The following SLC13A4 variants were observed in gnomAD, a reference collection of about 807,000 sequenced individuals.
SLC13A4 encodes Na(+)/sulfate cotransporter SUT-1.
In SLC13A4, 28 loss-of-function variants were observed where a neutral mutation model predicts 72.7. That is an observed-to-expected ratio of 0.39 (90% CI 0.29 to 0.53). The LOEUF is 0.53. Among genes scored for constraint, SLC13A4 ranks in the 20% least tolerant of loss-of-function variants. The pLI is 0.78. For missense variants in SLC13A4, 653 were observed against 788.0 expected, an observed-to-expected ratio of 0.83 and a Z score of 2.05; for synonymous variants, 312 against 325.5, an observed-to-expected ratio of 0.96 and a Z score of 0.45.
intron 2 of SLC13A4, among the ~76,000 whole-genome samples, chr7:135,717,119 T>TGAAATAA (rs1346145886): frequency 2.6e-5 from 4 of 152,322 alleles, no homozygotes; most frequent in East Asian, 3.9e-4. Flanking sequence ...AATAAGCCTT[T>TGAAATAA]TATATTTTCA....
At chr7:135,698,958 A>G (rs1795968295) in intron 8 of SLC13A4, among the ~76,000 whole-genome samples, 1 of 152,006 alleles carries the variant, frequency 6.6e-6, no homozygotes, top group Admixed American at 6.6e-5. Context: ...TTTTTTAAAT[A>G]GAGACACTGT....
chr7:135,703,142 G>A (rs1485284142), intron 5 of SLC13A4: 10 of 523,530 alleles, frequency 1.9e-5, no homozygotes, highest in East Asian at 6.6e-5. Flanking sequence ...CCTAACAGCA[G>A]ATGTGGAGTG....
In SLC13A4 at chr7:135,681,691, C is replaced by G; in HGVS notation, c.1756G>C (p.Gly586Arg). ...HCQIKDMVKA[G>R]LGVNVIGLVI... ...AGTCCAATAACGTTGACTCCCAGGC[C>G]AGCTTTCACCTGCAGGACACAAACC... Residue 586 changes from glycine (G) to arginine (R), a missense_variant, in exon 16 of 16, where the codon GGC becomes CGC. By Grantham distance (125) the Gly-to-Arg change is moderately radical (BLOSUM62 -2). Transcript: ENST00000682651. 6.2e-7 allele frequency: 1 copy of G among 1,613,178 alleles called. No homozygotes were observed. Among genetic ancestry groups the G allele is most frequent in the Non-Finnish European group, 8.5e-7 (1 of 1,179,504 alleles).
intron 13 of SLC13A4, among the ~76,000 whole-genome samples, chr7:135,690,822 C>G (rs1795767663): frequency 6.6e-6 from 1 of 152,112 alleles, no homozygotes; most frequent in Non-Finnish European, 1.5e-5. Context: ...CCTCCCATGC[C>G]CATAATGACT....
intron 7 of SLC13A4, among the ~76,000 whole-genome samples, chr7:135,700,865 G>A (rs1287881554): frequency 6.6e-6 from 1 of 152,138 alleles, no homozygotes; most frequent in Non-Finnish European, 1.5e-5. Context: ...TCCCAGGCTG[G>A]TCTTGAATTC....
At chr7:135,714,791 G>A (rs947323829) in intron 2 of SLC13A4, among the ~76,000 whole-genome samples, 1 of 152,246 alleles carries the variant, frequency 6.6e-6, no homozygotes, top group African/African-American at 2.4e-5. Context: ...GAAGCGGATT[G>A]ATGACAGCCG....
At chr7:135,695,871 G>T (rs1795892745) in intron 8 of SLC13A4, among the ~76,000 whole-genome samples, 2 of 152,204 alleles carry the variant, frequency 1.3e-5, no homozygotes, top group Non-Finnish European at 2.9e-5. Flanking sequence ...CCAAAGGAAT[G>T]TAAGTTTTGA....
At chr7:135,691,401 A>G (rs1795783467) in intron 12 of SLC13A4, 76 bp from the exon 13 acceptor site, 1 of 1,177,038 alleles carries the variant, frequency 8.5e-7, no homozygotes, top group Admixed American at 2.3e-5. Flanking sequence ...TAATTGGTGA[A>G]GTGGATGATT....
chr7:135,696,633 A>G (rs1159070235), intron 8 of SLC13A4, among the ~76,000 whole-genome samples: 6 of 152,140 alleles, frequency 3.9e-5, no homozygotes, highest in Non-Finnish European at 8.8e-5. Context: ...GATTACGGGC[A>G]TGAGCCACAG....
At chr7:135,693,124 AAT>A (rs1437985702) in intron 10 of SLC13A4, 4 of 151,338 alleles carry the variant, frequency 2.6e-5, no homozygotes, top group African/African-American at 7.3e-5. Flanking sequence ...AAAAAAAAAA[AAT>A]AGTTGGTCAT....
At chr7:135,701,103 G>A (rs1330289361) in intron 7 of SLC13A4, among the ~76,000 whole-genome samples, 1 of 152,116 alleles carries the variant, frequency 6.6e-6, no homozygotes, top group African/African-American at 2.4e-5. Flanking sequence ...CTACCTCATT[G>A]AGCCAAGACC....
intron 9 of SLC13A4, 59 bp downstream of exon 9, chr7:135,695,309 A>G (rs573760524): frequency 1.9e-6 from 3 of 1,607,346 alleles, no homozygotes; most frequent in South Asian, 2.2e-5. Context: ...GGCCCATGCC[A>G]TGGCCTTTGG....
chr7:135,708,887 T>C (rs1042841475), intron 2 of SLC13A4, among the ~76,000 whole-genome samples: 1 of 151,326 alleles, frequency 6.6e-6, no homozygotes. Context: ...ATCCTCATTA[T>C]TGTTTTTCTT....
In SLC13A4 at chr7:135,702,855, A is replaced by G. The variant is rs1796071227; in HGVS notation, c.623T>C (p.Met208Thr). 8 of 1,613,878 alleles carry G rather than the reference A, an allele frequency of 5.0e-6. No individual in the cohort carries two copies. The African/African-American group carries it at 8.0e-5, about 16-fold the overall frequency. ...DRSNADLTTL[M>T]HNENLNGVPS... is the part of the protein sequence containing the mutation. ...ACCCCAAGGCCATACCTCGTTGTGC[A>G]TCAGAGTGGTGAGGTCTGCGTTGGA... Residue 208 changes from methionine (M) to threonine (T), a missense_variant, in exon 6 of 16, where the codon ATG (methionine) becomes ACG (threonine). Coordinates refer to ENST00000682651, the MANE Select transcript of SLC13A4 (RefSeq NM_001318192.2).
chr7:135,721,229 C>T (rs1256183532), intron 2 of SLC13A4, among the ~76,000 whole-genome samples, 166 bp downstream of exon 2: 7 of 152,194 alleles, frequency 4.6e-5, no homozygotes, highest in Non-Finnish European at 7.3e-5. Context: ...GAGAGGAATT[C>T]AGGGTCTAGA....
Position 135,727,545 on chromosome 7 carries a change from A to T in SLC13A4, c.-49T>A. ...GTCCTTGGACCCCGCTCTGCCGGCG[A>T]AAGGCTTCCTGCCTGGGCACTGCTC... On this transcript the variant is annotated 5_prime_UTR_variant, in exon 1 of 16. Transcript: ENST00000682651. 1 of 1,522,726 alleles carries T rather than the reference A, an allele frequency of 6.6e-7. No individual in the cohort carries two copies. Among genetic ancestry groups the T allele is most frequent in the Non-Finnish European group, 8.9e-7 (1 of 1,128,956 alleles). 94.3% of individuals were successfully genotyped at this position (1,522,726 alleles called of 1,614,324 possible).
Position 135,706,292 on chromosome 7 carries a change from A to G in SLC13A4, c.374T>C (p.Leu125Pro). Residue 125 changes from leucine (L) to proline (P), a missense_variant, in exon 4 of 16, where the codon CTC becomes CCC. Transcript: ENST00000682651. ...MAGAKPGMLL[L>P]CFMCCTTLLS... Reference sequence around the variant, plus strand: ...CAACGTGGTACAGCACATGAAGCAGAGCAGCAGCCTGGAAGGCAGGGAGGG... The same window carrying G: ...CAACGTGGTACAGCACATGAAGCAGGGCAGCAGCCTGGAAGGCAGGGAGGG... 6.2e-7 allele frequency: 1 copy of G among 1,603,014 alleles called. No individual in the cohort carries two copies. Among genetic ancestry groups the G allele is most frequent in the Non-Finnish European group, 8.5e-7 (1 of 1,171,576 alleles).
chr7:135,683,483 C>CT, intron 15 of SLC13A4: 1 of 984,134 alleles, frequency 1.0e-6, no homozygotes, highest in Non-Finnish European at 1.2e-6. Context: ...ATCCTCTCCC[C>CT]CCCCGCTCAG....
chr7:135,696,041 C>G (rs1405771140), intron 8 of SLC13A4, among the ~76,000 whole-genome samples: 2 of 152,236 alleles, frequency 1.3e-5, no homozygotes, highest in African/African-American at 2.4e-5. Context: ...ACTGCTCATT[C>G]ATCAGCAGGC....
Sources: gnomAD v4.1 joint callset for allele counts (sites outside exome capture counted in the v4.1 genomes callset) on GRCh38, gnomAD v4.1.1 for gene constraint, MANE v1.5 for transcripts, NCBI Gene and HGNC (gene_info 2026-07-23, HGNC 2026-07-21) for gene names.